Variants in KLRD1 observed in about 807,000 individuals in gnomAD.
KLRD1 encodes the protein natural killer cells antigen CD94.
A neutral mutation model predicts 22.6 loss-of-function variants in KLRD1; 21 were observed. That is an observed-to-expected ratio of 0.93 (90% CI 0.66 to 1.34). The LOEUF (loss-of-function observed/expected upper bound fraction) is 1.34, where lower values mean the gene tolerates loss of function less well. Among genes scored for constraint, KLRD1 ranks in the 40% most tolerant of loss-of-function variants. The probability of loss-of-function intolerance (pLI) is 0.00; values close to 1 mark genes in which losing one functional copy is unlikely to be tolerated. For missense variants in KLRD1, 183 were observed against 208.6 expected (o/e 0.88, Z 0.76); for synonymous variants, 59 against 71.1 (o/e 0.83, Z 0.85).
At position 10,308,054 on chromosome 12, in the gene KLRD1, T is replaced by G; in HGVS notation, c.-24T>G. The G allele has an allele frequency of 1.2e-6, 2 of 1,609,794 alleles. No individual in the cohort carries two copies. The highest frequency in any genetic ancestry group is 4.5e-5 in the East Asian group (2 of 44,828). On this transcript the variant is annotated 5_prime_UTR_variant, in exon 1 of 6. Coordinates refer to ENST00000336164, the MANE Select transcript of KLRD1 (RefSeq NM_002262.5). ...AAAGTACACATCGTGCCTTCTCTAC[T>G]TCGCTCTTGGAACATAATTTCTCAT... is the stretch of plus-strand genomic sequence containing the variant.
In KLRD1 at chr12:10,314,713, G is replaced by A. The variant is rs765373788; in HGVS notation, c.460G>A (p.Ala154Thr). Residue 154 changes from alanine to threonine, a missense_variant, in exon 6 of 6, where the codon GCG becomes ACG. Ala to Thr is a moderately conservative substitution (Grantham distance 58). Coordinates refer to ENST00000336164, the MANE Select transcript of KLRD1 (RefSeq NM_002262.5). The part of the protein sequence containing the change: ...FETFNTKNCI[A>T]YNPNGNALDE... ...AACTTTTAATACAAAGAACTGCATA[G>A]CGTATAATCCAAATGGAAATGCTTT... 6.3e-7 allele frequency: 1 copy of A among 1,595,134 alleles called. No homozygotes were observed. The highest frequency in any genetic ancestry group is 2.3e-5 in the East Asian group (1 of 44,094).
At position 10,327,655 on chromosome 12, in the gene KLRD1, T is replaced by C. The variant is rs1357364651; in HGVS notation, c.*12862T>C. On this transcript the variant is annotated 3_prime_UTR_variant, in exon 6 of 6. Coordinates refer to ENST00000336164, the MANE Select transcript of KLRD1 (RefSeq NM_002262.5). Reference sequence around the variant, plus strand: ...TGTACTTCTTCTTTTACAATCTGTATGTTGTTAATTTCTTTTCCTTGCCTA... The same window carrying C: ...TGTACTTCTTCTTTTACAATCTGTACGTTGTTAATTTCTTTTCCTTGCCTA... 6 of 152,192 alleles carry C rather than the reference T, an allele frequency of 3.9e-5. No individual in the cohort carries two copies. The highest frequency in any genetic ancestry group is 5.9e-5 in the Non-Finnish European group (4 of 68,020). 9.4% of individuals were successfully genotyped at this position (152,192 alleles called of 1,614,324 possible). A position where few individuals can be genotyped will look rare whatever the true frequency, so the allele number is the denominator to read the frequency against.
intron 1 of KLRD1, among the ~76,000 whole-genome samples, chr12:10,285,482 A>G (rs1361947125): frequency 2.6e-5 from 4 of 152,204 alleles, no homozygotes; most frequent in African/African-American, 9.7e-5. Context: ...TAACTCAGGG[A>G]CAAACCATTC....
chr12:10,284,022 A>AC (rs1491308176), intron 1 of KLRD1, among the ~76,000 whole-genome samples: 1 of 1,206 alleles, frequency 8.3e-4, no homozygotes, highest in Admixed American at 0.02. Flanking sequence ...TTAAAAATAC[A>AC]AAAAAAAAAA....
intron 1 of KLRD1, among the ~76,000 whole-genome samples, chr12:10,286,862 G>C (rs1592059909): frequency 6.6e-6 from 1 of 152,076 alleles, no homozygotes; most frequent in Admixed American, 6.5e-5. Flanking sequence ...CTGGGCACCA[G>C]GTGCAGTGGC....
At position 10,312,399 on chromosome 12, in the gene KLRD1, G is replaced by A. The variant is rs1165537574; in HGVS notation, c.315+784G>A. ...TTTGTTTGTTTGTTTGTTTGTTTGA[G>A]ATGGAGTCTCGCTCTGTCGCCCAGG... On this transcript the variant is annotated intron_variant, in intron 4 of 5. Coordinates refer to ENST00000336164, the MANE Select transcript of KLRD1 (RefSeq NM_002262.5). Among the ~76,000 whole-genome samples the A allele has an allele frequency of 2.7e-5, 4 of 147,618 alleles. No homozygotes were observed. In the East Asian group the frequency reaches 8.1e-4, roughly 30 times the overall value.
At position 10,327,054 on chromosome 12, in the gene KLRD1, G is replaced by A. The variant is rs912655945; in HGVS notation, c.*12261G>A. On this transcript the variant is annotated 3_prime_UTR_variant, in exon 6 of 6. Transcript: ENST00000336164. ...TTACATTTTCAGTACTTACATTTAG[G>A]CTTTTAATCCATTTGAAATTTATTT... The A allele has an allele frequency of 2.0e-5, 3 of 152,076 alleles. No homozygotes were observed. Among genetic ancestry groups the A allele is most frequent in the Non-Finnish European group, 4.4e-5 (3 of 68,010 alleles). The allele number at this position is 152,076 out of a possible 1,614,324, so 9.4% of individuals were successfully genotyped here. A position where few individuals can be genotyped will look rare whatever the true frequency, so the allele number is the denominator to read the frequency against.
chr12:10,258,589 G>A (rs535208537), intron 1 of KLRD1, among the ~76,000 whole-genome samples: 1 of 152,272 alleles, frequency 6.6e-6, no homozygotes, highest in South Asian at 2.1e-4. Context: ...TTTAGATAAT[G>A]AGTATGTTTG....
chr12:10,258,978 A>G (rs1949424199), intron 1 of KLRD1, among the ~76,000 whole-genome samples: 1 of 152,214 alleles, frequency 6.6e-6, no homozygotes, highest in Non-Finnish European at 1.5e-5. Flanking sequence ...CAATGAGCAG[A>G]GATAAATAGA....
chr12:10,239,523 CTT>C (rs1949219049), intron 1 of KLRD1, among the ~76,000 whole-genome samples: 1 of 13,884 alleles, frequency 7.2e-5, no homozygotes, highest in Admixed American at 9.7e-4. Context: ...CCTCCCCTTT[CTT>C]TCTTTCTTTC....
chr12:10,272,261 A>G (rs2137645504), intron 1 of KLRD1, among the ~76,000 whole-genome samples: 1 of 152,270 alleles, frequency 6.6e-6, no homozygotes, highest in African/African-American at 2.4e-5. Flanking sequence ...GTGAAGCAGA[A>G]CTCATAGACA....
At chr12:10,269,920 T>C (rs1949533998) in intron 1 of KLRD1, among the ~76,000 whole-genome samples, 1 of 152,186 alleles carries the variant, frequency 6.6e-6, no homozygotes, top group Admixed American at 6.5e-5. Flanking sequence ...GATCATTCTT[T>C]CATTTTTTGA....
Position 10,321,347 on chromosome 12 carries a change from G to C in KLRD1, c.*6554G>C, listed in dbSNP as rs1442663816. On this transcript the variant is annotated 3_prime_UTR_variant, in exon 6 of 6. Coordinates refer to ENST00000336164, the MANE Select transcript of KLRD1 (RefSeq NM_002262.5). Reference sequence around the variant, plus strand: ...CTAAACTTAAGGAACTTCACCTGATGAGTCTCACTCATACCTGGATGTGAC... The same window carrying C: ...CTAAACTTAAGGAACTTCACCTGATCAGTCTCACTCATACCTGGATGTGAC... 2 of 152,176 alleles carry C rather than the reference G, an allele frequency of 1.3e-5. No individual in the cohort carries two copies. Among genetic ancestry groups the C allele is most frequent in the Non-Finnish European group, 2.9e-5 (2 of 68,028 alleles). The allele number at this position is 152,176 out of a possible 1,614,324, so 9.4% of individuals were successfully genotyped here.
At chr12:10,275,144 C>T (rs1949581668) in intron 1 of KLRD1, among the ~76,000 whole-genome samples, 2 of 152,192 alleles carry the variant, frequency 1.3e-5, no homozygotes, top group Admixed American at 6.5e-5. Flanking sequence ...CCTGCCTCAG[C>T]CTCCCAAAAT....
chr12:10,312,588 C>A (rs1212601751), intron 4 of KLRD1, among the ~76,000 whole-genome samples: 1 of 146,708 alleles, frequency 6.8e-6, no homozygotes, highest in Non-Finnish European at 1.5e-5. Flanking sequence ...CCGTGTTAGC[C>A]AGGATGGTCT....
intron 1 of KLRD1, among the ~76,000 whole-genome samples, chr12:10,271,379 C>T (rs1949548607): frequency 6.6e-6 from 1 of 152,142 alleles, no homozygotes; most frequent in African/African-American, 2.4e-5. Context: ...TCATCGTGGC[C>T]ATCGCCGCCT....
intron 1 of KLRD1, among the ~76,000 whole-genome samples, chr12:10,298,317 C>T (rs1451900068): frequency 2.0e-5 from 3 of 152,276 alleles, no homozygotes; most frequent in Non-Finnish European, 4.4e-5. Context: ...TCAAAACATT[C>T]GAACTCTAAG....
chr12:10,277,861 T>G (rs1160505614), intron 1 of KLRD1, among the ~76,000 whole-genome samples: 1 of 152,246 alleles, frequency 6.6e-6, no homozygotes. Context: ...TAATTCCAAC[T>G]GGTCTCATCA....
At chr12:10,268,729 AG>A (rs1312973288) in intron 1 of KLRD1, among the ~76,000 whole-genome samples, 2 of 152,212 alleles carry the variant, frequency 1.3e-5, no homozygotes, top group African/African-American at 2.4e-5. Flanking sequence ...TAGTTATAGC[AG>A]TCATCCTTGT....
Sources: gnomAD v4.1 joint callset for allele counts (sites outside exome capture counted in the v4.1 genomes callset) on GRCh38, gnomAD v4.1.1 for gene constraint, MANE v1.5 for transcripts, NCBI Gene and HGNC (gene_info 2026-07-23, HGNC 2026-07-21) for gene names.